The following UBAC1 variants were observed in gnomAD, a reference collection of about 807,000 sequenced individuals.
UBAC1 encodes ubiquitin-associated domain-containing protein 1.
UBAC1 carries 27 observed loss-of-function variants against 45.9 expected under a neutral mutation model. The ratio of observed to expected loss-of-function variants is 0.59; its 90% confidence interval spans 0.43 to 0.81. The LOEUF is 0.81. UBAC1 is among the 30% of genes least tolerant of loss of function. UBAC1 has a pLI of 0.00. For missense variants in UBAC1, 529 were observed against 539.2 expected (o/e 0.98, Z 0.19); for synonymous variants, 227 against 215.5 (o/e 1.05, Z -0.47).
chr9:135,950,233 A>T (rs1839391978), intron 3 of UBAC1, among the ~76,000 whole-genome samples: 2 of 152,224 alleles, frequency 1.3e-5, no homozygotes, highest in Non-Finnish European at 2.9e-5. Flanking sequence ...CTACAAGCGG[A>T]GTGCTGTTTT....
intron 9 of UBAC1, among the ~76,000 whole-genome samples, chr9:135,934,578 TGAACCAGG>T (rs1410485440): frequency 1.3e-5 from 2 of 152,172 alleles, no homozygotes; most frequent in African/African-American, 4.8e-5. Flanking sequence ...GAGAATAGCA[TGAACCAGG>T]GAGGCGGAGC....
At position 135,945,112 on chromosome 9, in the gene UBAC1, G is replaced by A. The variant is rs375665911; in HGVS notation, c.792C>T (p.Ser264=). ...CATCTCTGGCCTCCTCATCGGTGGC[G>A]CTGGCTCCCGCGGCAGCCTCGGAGG... ...AAASEAAAGA[S]ATDEEARDEL... is the part of the protein sequence containing the mutation. The change falls in exon 7 of 10, where the codon AGC becomes AGT. Residue 264 remains serine, a synonymous_variant. Coordinates refer to ENST00000371756, the MANE Select transcript of UBAC1 (RefSeq NM_016172.3). 2.2e-4 allele frequency: 360 copies of A among 1,613,830 alleles called. No homozygotes were observed. Among genetic ancestry groups the A allele is most frequent in the Non-Finnish European group, 2.6e-4 (312 of 1,179,980 alleles).
chr9:135,959,397 A>C, intron 1 of UBAC1, among the ~76,000 whole-genome samples: 1 of 117,990 alleles, frequency 8.5e-6, no homozygotes, highest in Admixed American at 1.0e-4. Flanking sequence ...TTTTTTTGAG[A>C]CGGAGTCTTG....
intron 3 of UBAC1, among the ~76,000 whole-genome samples, chr9:135,951,866 T>A (rs1839409439): frequency 6.6e-6 from 1 of 152,186 alleles, no homozygotes. Context: ...AAATATGAAC[T>A]GACATCTTAC....
intron 4 of UBAC1, among the ~76,000 whole-genome samples, chr9:135,947,238 G>A (rs571963680): frequency 1.3e-5 from 2 of 152,076 alleles, no homozygotes; most frequent in African/African-American, 2.4e-5. Flanking sequence ...AATAACTCAC[G>A]GGTTCAGATT....
At chr9:135,954,842 G>C (rs1344160313) in intron 2 of UBAC1, among the ~76,000 whole-genome samples, 1 of 152,146 alleles carries the variant, frequency 6.6e-6, no homozygotes, top group Admixed American at 6.5e-5. Context: ...CTTACTTCAA[G>C]GACTTCCACA....
Position 135,961,008 on chromosome 9 carries a change from AG to A in UBAC1, c.138+16del. 1 of 1,501,912 alleles carries A rather than the reference AG, an allele frequency of 6.7e-7. No individual in the cohort carries two copies. Among genetic ancestry groups the A allele is most frequent in the Non-Finnish European group, 8.9e-7 (1 of 1,125,758 alleles). The allele number at this position is 1,501,912 out of a possible 1,614,324, so 93.0% of individuals were successfully genotyped here. A position where few individuals can be genotyped will look rare whatever the true frequency, so the allele number is the denominator to read the frequency against. On this transcript the variant is annotated intron_variant, in intron 1 of 9. Coordinates refer to ENST00000371756, the MANE Select transcript of UBAC1 (RefSeq NM_016172.3). Reference sequence around the variant, plus strand: ...CCGGAGCGGGTGTTGGGGGCAGGGGAGGGGGCCCGGCCTTACGTGCTTGAGG... The same window carrying A: ...CCGGAGCGGGTGTTGGGGGCAGGGGAGGGGCCCGGCCTTACGTGCTTGAGG...
intron 3 of UBAC1, among the ~76,000 whole-genome samples, chr9:135,949,999 T>C (rs1487335720): frequency 2.0e-5 from 3 of 152,288 alleles, no homozygotes; most frequent in South Asian, 4.1e-4. Context: ...GCCCAGGCCC[T>C]GAGAGCAGCC....
chr9:135,948,901 C>A (rs959112311), intron 3 of UBAC1, among the ~76,000 whole-genome samples: 2 of 152,122 alleles, frequency 1.3e-5, no homozygotes, highest in Admixed American at 1.3e-4. Flanking sequence ...GAAACCCCAT[C>A]TCTACTAAAA....
rs186576305 is a variant in UBAC1 at position 135,953,999 on chromosome 9, C to T, written c.260-246G>A. 809 of 251,292 alleles carry T rather than the reference C, an allele frequency of 3.2e-3. 2 individuals carry two copies. The highest frequency in any genetic ancestry group is 4.9e-3 in the Non-Finnish European group (630 of 129,166). 15.6% of individuals were successfully genotyped at this position (251,292 alleles called of 1,614,324 possible). ...ACTAAAAATACAAAAATTAGCCAGG[C>T]GTGGTGGCGCATGCCTGTAATCCCA... On this transcript the variant is annotated intron_variant, in intron 2 of 9. Transcript: ENST00000371756.
At chr9:135,936,390 C>G (rs999734601) in intron 9 of UBAC1, among the ~76,000 whole-genome samples, 4 of 151,980 alleles carry the variant, frequency 2.6e-5, no homozygotes, top group African/African-American at 9.7e-5. Flanking sequence ...CACACACATA[C>G]TTCTAGGTAG....
chr9:135,946,781 T>C (rs1312062640), intron 4 of UBAC1, among the ~76,000 whole-genome samples: 2 of 152,222 alleles, frequency 1.3e-5, no homozygotes, highest in African/African-American at 4.8e-5. Context: ...ACACAGCGTC[T>C]GCGGCGGCCA....
chr9:135,954,888 G>T (rs1189427690), intron 2 of UBAC1, among the ~76,000 whole-genome samples: 2 of 152,202 alleles, frequency 1.3e-5, no homozygotes, highest in Non-Finnish European at 2.9e-5. Context: ...AGACAAAACT[G>T]ATGTCTGCTC....
At chr9:135,937,960 T>G (rs1185507533) in intron 9 of UBAC1, among the ~76,000 whole-genome samples, 1 of 152,206 alleles carries the variant, frequency 6.6e-6, no homozygotes, top group African/African-American at 2.4e-5. Context: ...GGAAAGCCAC[T>G]GGCACTGGTT....
Position 135,933,186 on chromosome 9 carries a change from G to A in UBAC1, c.*214C>T. ...TTCCCAGTGCGACAACCACTTTTTT[G>A]TAAACACCTGTCAGATGCTAAAAAT... On this transcript the variant is annotated 3_prime_UTR_variant, in exon 10 of 10. Transcript: ENST00000371756. 1.9e-6 allele frequency: 1 copy of A among 533,746 alleles called. No homozygotes were observed. Among genetic ancestry groups the A allele is most frequent in the Non-Finnish European group, 3.3e-6 (1 of 298,730 alleles). The allele number at this position is 533,746 out of a possible 1,614,324, so 33.1% of individuals were successfully genotyped here.
intron 7 of UBAC1, among the ~76,000 whole-genome samples, chr9:135,943,830 T>TGAAGCTG (rs1839296151): frequency 6.6e-6 from 1 of 152,186 alleles, no homozygotes; most frequent in Non-Finnish European, 1.5e-5. Context: ...GGGTCATGGA[T>TGAAGCTG]GAAGCTGGAA....
chr9:135,961,269 G>T lies in UBAC1; in HGVS notation c.-107C>A. ...CAGACCGCCCGCGCGCTCCTTCGCT[G>T]GGCCGCCGCCCCGCCCCGGCTCCCG... is the stretch of plus-strand genomic sequence containing the variant. On this transcript the variant is annotated 5_prime_UTR_variant, in exon 1 of 10. Coordinates refer to ENST00000371756, the MANE Select transcript of UBAC1 (RefSeq NM_016172.3). The T allele has an allele frequency of 9.7e-7, 1 of 1,029,972 alleles. No homozygotes were observed. Among genetic ancestry groups the T allele is most frequent in the Non-Finnish European group, 1.2e-6 (1 of 832,086 alleles). 63.8% of individuals were successfully genotyped at this position (1,029,972 alleles called of 1,614,324 possible). A position where few individuals can be genotyped will look rare whatever the true frequency, so the allele number is the denominator to read the frequency against.
intron 5 of UBAC1, 22 bp downstream of exon 5, chr9:135,946,247 C>T (rs1839333131): frequency 1.3e-6 from 2 of 1,533,914 alleles, no homozygotes; most frequent in Non-Finnish European, 1.8e-6. Flanking sequence ...CCCTGGAATG[C>T]AGCATCGGGG....
In UBAC1 at chr9:135,955,183, C is replaced by T. The variant is rs1839451806; in HGVS notation, c.259+112G>A. On this transcript the variant is annotated intron_variant, in intron 2 of 9. Transcript: ENST00000371756. Reference sequence around the variant, plus strand: ...TTTTAGTCGATCTCGTTTTTGTGCTCGTGTCCAGCTCAGAACACTGACTCC... The same window carrying T: ...TTTTAGTCGATCTCGTTTTTGTGCTTGTGTCCAGCTCAGAACACTGACTCC... The T allele has an allele frequency of 6.1e-6, 7 of 1,144,198 alleles. No individual in the cohort carries two copies. In the South Asian group the frequency reaches 1.5e-4, roughly 24 times the overall value. 70.9% of individuals were successfully genotyped at this position (1,144,198 alleles called of 1,614,324 possible).
Sources: gnomAD v4.1 joint callset for allele counts (sites outside exome capture counted in the v4.1 genomes callset) on GRCh38, gnomAD v4.1.1 for gene constraint, MANE v1.5 for transcripts, NCBI Gene and HGNC (gene_info 2026-07-23, HGNC 2026-07-21) for gene names.